The following KLF13 variants were observed in gnomAD, a reference collection of about 807,000 sequenced individuals.
KLF13 encodes KLF transcription factor 13, also known as Krueppel-like factor 13.
Under a neutral mutation model 16.7 loss-of-function variants are expected in KLF13, and 8 were observed. The ratio of observed to expected loss-of-function variants is 0.48; its 90% CI spans 0.28 to 0.87. The LOEUF is 0.87. Ranked by LOEUF, KLF13 falls within the 40% of genes least tolerant of loss-of-function variation. The pLI is 0.10. For synonymous variants in KLF13, 245 were observed against 208.4 expected (o/e 1.18, Z -1.51); for missense variants, 447 against 452.2 (o/e 0.99, Z 0.10).
At chr15:31,378,385 G>C (rs2039682773), downstream of KLF13, among the ~76,000 whole-genome samples, 1 of 152,176 alleles carries the variant, frequency 6.6e-6, no homozygotes, top group African/African-American at 2.4e-5. Context: ...ACCCCAAAGT[G>C]TGCTCCAGCG....
intron 1 of KLF13, among the ~76,000 whole-genome samples, chr15:31,333,839 T>C (rs756607711): frequency 1.3e-5 from 2 of 152,200 alleles, no homozygotes; most frequent in Non-Finnish European, 2.9e-5. Flanking sequence ...AGTTGTCTTG[T>C]AGAACAACTC....
intron 1 of KLF13, among the ~76,000 whole-genome samples, chr15:31,344,232 G>C (rs2039076554): frequency 6.6e-6 from 1 of 152,236 alleles, no homozygotes; most frequent in Non-Finnish European, 1.5e-5. Flanking sequence ...AGACATCCCA[G>C]ATCCACCCCT....
chr15:31,405,595 T>C (rs529363491), downstream of KLF13, among the ~76,000 whole-genome samples: 129 of 152,316 alleles, frequency 8.5e-4, no homozygotes, highest in African/African-American at 2.9e-3. Context: ...GGAGGAGGGT[T>C]AGTATATGCT....
At chr15:31,434,296 G>C (rs1008578727) in intron 1 of KLF13, among the ~76,000 whole-genome samples, 3 of 152,206 alleles carry the variant, frequency 2.0e-5, no homozygotes, top group African/African-American at 7.2e-5. Context: ...TAAAATGCAG[G>C]ATCAGTGGCA....
chr15:31,380,647 A>G (rs374616088), downstream of KLF13, among the ~76,000 whole-genome samples: 26 of 152,292 alleles, frequency 1.7e-4, no homozygotes, highest in Non-Finnish European at 2.8e-4. Flanking sequence ...GGGTGGCTCA[A>G]TTACCCCCAA....
intron 1 of KLF13, chr15:31,420,185 G>A: frequency 5.3e-6 from 3 of 567,966 alleles, no homozygotes; most frequent in South Asian, 4.5e-5. Flanking sequence ...CCATAAAAGA[G>A]CCGAGCTGAG....
At chr15:31,341,079 C>A (rs545179317) in intron 1 of KLF13, among the ~76,000 whole-genome samples, 57 of 152,252 alleles carry the variant, frequency 3.7e-4, no homozygotes, top group African/African-American at 1.3e-3. Context: ...AGCTTGACTC[C>A]ACAAATGTTG....
intron 1 of KLF13, among the ~76,000 whole-genome samples, chr15:31,331,046 TG>T (rs1271184500): frequency 6.6e-6 from 1 of 152,228 alleles, no homozygotes; most frequent in African/African-American, 2.4e-5. Context: ...TGGGGAGACT[TG>T]GCAGGCCCCC....
At chr15:31,364,367 A>G (rs1327250027) in intron 1 of KLF13, among the ~76,000 whole-genome samples, 1 of 152,242 alleles carries the variant, frequency 6.6e-6, no homozygotes, top group Non-Finnish European at 1.5e-5. Context: ...GCCAGGCTTC[A>G]GCACCCTGCC....
chr15:31,347,632 G>A (rs545253738), intron 1 of KLF13, among the ~76,000 whole-genome samples: 2 of 152,330 alleles, frequency 1.3e-5, no homozygotes, highest in East Asian at 3.9e-4. Flanking sequence ...AGGGGAGAGA[G>A]GCGGGGCAGT....
At chr15:31,359,513 AC>A (rs1247997515) in intron 1 of KLF13, among the ~76,000 whole-genome samples, 1 of 152,226 alleles carries the variant, frequency 6.6e-6, no homozygotes, top group African/African-American at 2.4e-5. Flanking sequence ...GGTGAAAGGT[AC>A]GTGTGTGTAC....
At chr15:31,349,342 T>C (rs2039179593) in intron 1 of KLF13, among the ~76,000 whole-genome samples, 1 of 152,184 alleles carries the variant, frequency 6.6e-6, no homozygotes, top group Non-Finnish European at 1.5e-5. Context: ...GATTATGACA[T>C]GTTTCCCCAG....
chr15:31,345,884 G>A (rs1467653634), intron 1 of KLF13, among the ~76,000 whole-genome samples: 1 of 152,172 alleles, frequency 6.6e-6, no homozygotes, highest in Non-Finnish European at 1.5e-5. Flanking sequence ...GGCTGCAACT[G>A]CTCCCCACCT....
chr15:31,378,729 C>T (rs2039688330), downstream of KLF13, among the ~76,000 whole-genome samples: 1 of 152,220 alleles, frequency 6.6e-6, no homozygotes, highest in Non-Finnish European at 1.5e-5. Context: ...GAGACACAGT[C>T]TCGCTGTGTA....
chr15:31,422,134 A>AAAAC (rs1555383232), intron 1 of KLF13, among the ~76,000 whole-genome samples: 1 of 62,984 alleles, frequency 1.6e-5, no homozygotes, highest in African/African-American at 4.1e-5. Context: ...CAAACAAACA[A>AAAAC]AAAAAAAAAA....
At chr15:31,348,505 G>T (rs546234339) in intron 1 of KLF13, among the ~76,000 whole-genome samples, 2 of 152,272 alleles carry the variant, frequency 1.3e-5, no homozygotes, top group South Asian at 2.1e-4. Context: ...CTGTTGCTTG[G>T]CCTGGTTCTC....
At chr15:31,380,721 C>T (rs993596349), downstream of KLF13, among the ~76,000 whole-genome samples, 7 of 152,194 alleles carry the variant, frequency 4.6e-5, 1 homozygote, top group African/African-American at 1.2e-4. Context: ...AAGTCTCCTA[C>T]GTGGAAAGCA....
At chr15:31,406,401 C>T (rs556892473), downstream of KLF13, among the ~76,000 whole-genome samples, 46 of 152,232 alleles carry the variant, frequency 3.0e-4, no homozygotes, top group South Asian at 7.7e-3. Flanking sequence ...CGCTTGAACC[C>T]GGGAGGCAGA....
chr15:31,390,429 G>A (rs536239809), upstream of KLF13, among the ~76,000 whole-genome samples: 30 of 152,158 alleles, frequency 2.0e-4, no homozygotes, highest in Non-Finnish European at 3.8e-4. Flanking sequence ...AGAAAACAAG[G>A]TTCAAAATTA....
Sources: gnomAD v4.1 joint callset for allele counts (sites outside exome capture counted in the v4.1 genomes callset) on GRCh38, gnomAD v4.1.1 for gene constraint, MANE v1.5 for transcripts, NCBI Gene and HGNC (gene_info 2026-07-23, HGNC 2026-07-21) for gene names.